The following GMEB1 variants were observed in gnomAD, a reference collection of about 807,000 sequenced individuals.
GMEB1 encodes the protein glucocorticoid modulatory element binding protein 1.
A neutral mutation model predicts 52.4 loss-of-function variants in GMEB1; 6 were observed. The observed-to-expected ratio is 0.11, with a 90% CI of 0.06 to 0.23. The LOEUF (loss-of-function observed/expected upper bound fraction) is 0.23. GMEB1 is among the 10% of genes least tolerant of loss of function. GMEB1 has a pLI of 1.00. For missense variants in GMEB1, 486 were observed against 685.6 expected, an observed-to-expected ratio of 0.71 and a Z score of 3.25; for synonymous variants, 255 against 244.9, an observed-to-expected ratio of 1.04 and a Z score of -0.38.
At chr1:28,704,437 A>G in intron 8 of GMEB1, 108 bp downstream of exon 8, 1 of 813,682 alleles carries the variant, frequency 1.2e-6, no homozygotes, top group Non-Finnish European at 1.8e-6. Flanking sequence ...TATTATCTTA[A>G]TTTTACAGAT....
At chr1:28,710,421 C>A in intron 8 of GMEB1, 99 bp from the exon 9 acceptor site, 1 of 800,556 alleles carries the variant, frequency 1.2e-6, no homozygotes, top group South Asian at 3.5e-5. Context: ...TTAGGAGAGT[C>A]CCATAATTTC....
chr1:28,702,613 C>G, intron 7 of GMEB1, 44 bp downstream of exon 7: 1 of 1,575,396 alleles, frequency 6.3e-7, no homozygotes, highest in South Asian at 1.1e-5. Flanking sequence ...GTCTTGTGAG[C>G]CTTATCACCA....
intron 8 of GMEB1, among the ~76,000 whole-genome samples, chr1:28,707,637 G>A (rs1343336652): frequency 6.6e-6 from 1 of 152,164 alleles, no homozygotes; most frequent in African/African-American, 2.4e-5. Context: ...GCCACTGGGA[G>A]AGGAACAGTT....
At chr1:28,691,830 T>G in intron 4 of GMEB1, 121 bp downstream of exon 4, 1 of 202,180 alleles carries the variant, frequency 4.9e-6, no homozygotes, top group Non-Finnish European at 9.4e-6. Context: ...ATTTATTTAT[T>G]TATTTATTTA....
At chr1:28,695,933 C>G (rs1335834005) in intron 5 of GMEB1, among the ~76,000 whole-genome samples, 53 of 63,590 alleles carry the variant, frequency 8.3e-4, no homozygotes, top group Admixed American at 1.3e-3. Flanking sequence ...AGCGAGACTC[C>G]GTCTCAAAAA....
intron 5 of GMEB1, among the ~76,000 whole-genome samples, chr1:28,693,609 C>CG (rs1670065016): frequency 6.6e-6 from 1 of 151,776 alleles, no homozygotes; most frequent in African/African-American, 2.4e-5. Context: ...CTCGGCCTCC[C>CG]GGGTTCAAGC....
intron 9 of GMEB1, among the ~76,000 whole-genome samples, 175 bp downstream of exon 9, chr1:28,710,817 C>G (rs143549501): frequency 1.3e-5 from 2 of 148,984 alleles, no homozygotes; most frequent in Non-Finnish European, 3.0e-5. Flanking sequence ...ACAAAAGAGG[C>G]ACAAAGGAAA....
intron 2 of GMEB1, among the ~76,000 whole-genome samples, chr1:28,688,453 C>T (rs1402985909): frequency 6.6e-6 from 1 of 152,102 alleles, no homozygotes; most frequent in Non-Finnish European, 1.5e-5. Flanking sequence ...ATAATTAGCA[C>T]ATCAGCTTTA....
intron 5 of GMEB1, among the ~76,000 whole-genome samples, chr1:28,694,961 C>CTTTT (rs556692778): frequency 3.8e-5 from 4 of 105,496 alleles, no homozygotes; most frequent in South Asian, 2.9e-4. Flanking sequence ...CGTGGCCAGC[C>CTTTT]TTTTTTTTTT....
intron 8 of GMEB1, among the ~76,000 whole-genome samples, chr1:28,705,186 C>T (rs4654368): frequency 8.0e-5 from 12 of 149,656 alleles, no homozygotes; most frequent in African/African-American, 2.2e-4. Context: ...GTCAGGAGTT[C>T]GAGACCAGCC....
Position 28,702,449 on chromosome 1 carries a change from C to G in GMEB1, c.610C>G (p.Gln204Glu), listed in dbSNP as rs1383731734. The change falls in exon 7 of 10, where the codon CAG becomes GAG. Residue 204 changes from glutamine (Q) to glutamate (E), a missense_variant. Physicochemically the swap from Gln to Glu is conservative, Grantham distance 29. Transcript: ENST00000373816. ...TGGACTGTTTTTAGGTAGCATCACG[C>G]AGATTGCCATCTCAGAAGAGAGCAT... The part of the protein sequence containing the change: ...TPTSADGSIT[Q>E]IAISEESMEE... The G allele has an allele frequency of 1.2e-6, 2 of 1,613,466 alleles. No individual in the cohort carries two copies. The highest frequency in any genetic ancestry group is 1.7e-6 in the Non-Finnish European group (2 of 1,179,594).
chr1:28,695,657 G>A (rs544119360), intron 5 of GMEB1, among the ~76,000 whole-genome samples: 4 of 149,038 alleles, frequency 2.7e-5, no homozygotes, highest in Non-Finnish European at 5.9e-5. Flanking sequence ...AAATTTTTTC[G>A]GCCGGGCGCG....
Position 28,714,403 on chromosome 1 carries a change from T to G in GMEB1, c.1322T>G (p.Val441Gly). 6.2e-7 allele frequency: 1 copy of G among 1,614,208 alleles called. No homozygotes were observed. Among genetic ancestry groups the G allele is most frequent in the Non-Finnish European group, 8.5e-7 (1 of 1,180,030 alleles). Reference sequence around the variant, plus strand: ...CCTCAGCTCTTCCGCTATGCCACAGTGGTCTCCTCTGCCAAGAGCAGCTCA... The same window carrying G: ...CCTCAGCTCTTCCGCTATGCCACAGGGGTCTCCTCTGCCAAGAGCAGCTCA... ...SGPQLFRYAT[V>G]VSSAKSSSPD... The change falls in exon 10 of 10, where the codon GTG becomes GGG. Residue 441 changes from valine (V) to glycine (G), a missense_variant. Coordinates refer to ENST00000373816, the MANE Select transcript of GMEB1 (RefSeq NM_001319674.2).
chr1:28,692,384 T>G (rs1670008339), intron 4 of GMEB1, among the ~76,000 whole-genome samples: 1 of 151,958 alleles, frequency 6.6e-6, no homozygotes, highest in Admixed American at 6.6e-5. Flanking sequence ...ATACAAAAAT[T>G]AGCTGGACGT....
At chr1:28,708,902 C>A (rs1296061958) in intron 8 of GMEB1, among the ~76,000 whole-genome samples, 1 of 151,956 alleles carries the variant, frequency 6.6e-6, no homozygotes, top group Non-Finnish European at 1.5e-5. Context: ...GAGGCCGAGG[C>A]GGGCAGATCA....
intron 9 of GMEB1, among the ~76,000 whole-genome samples, chr1:28,711,556 G>A (rs1179435853): frequency 6.6e-6 from 1 of 152,040 alleles, no homozygotes; most frequent in East Asian, 1.9e-4. Flanking sequence ...CCCGAGCTCA[G>A]GGTGACCCTC....
At chr1:28,686,308 T>G (rs1014035231) in intron 2 of GMEB1, among the ~76,000 whole-genome samples, 1 of 152,048 alleles carries the variant, frequency 6.6e-6, no homozygotes, top group African/African-American at 2.4e-5. Context: ...GCCACTGCAC[T>G]GTAACCTGAG....
chr1:28,714,104 G>C lies in GMEB1; in HGVS notation c.1023G>C (p.Lys341Asn). ...AACGCCAGTTGGAGGAGCAGAAGAA[G>C]CAAGGCCAGGATCACAGGCTGAAAT... ...DLERQLEEQK[K>N]QGQDHRLKSQ... Residue 341 changes from lysine (K) to asparagine (N), a missense_variant, in exon 10 of 10, where the codon AAG becomes AAC. Transcript: ENST00000373816. The C allele has an allele frequency of 6.2e-7, 1 of 1,612,120 alleles. No individual in the cohort carries two copies. The highest frequency in any genetic ancestry group is 8.5e-7 in the Non-Finnish European group (1 of 1,178,288).
At position 28,674,708 on chromosome 1, in the gene GMEB1, CTTTTTTTTT is replaced by C. The variant is rs34267851; in HGVS notation, c.-31+5889_-31+5897del. 8.3e-3 allele frequency among the ~76,000 whole-genome samples: 410 copies of C among 49,142 alleles called. 3 individuals carry two copies. The highest frequency in any genetic ancestry group is 0.032 in the African/African-American group (383 of 11,988). The allele number at this position is 49,142 out of a possible 152,430, so 32.2% of individuals were successfully genotyped here. A position where few individuals can be genotyped will look rare whatever the true frequency, so the allele number is the denominator to read the frequency against. ...CCGTGCCCGGCCAGAATAGTTAATT[CTTTTTTTTT>C]TTTTTTTTTTTTTTTTTTTGAGACG... On this transcript the variant is annotated intron_variant, in intron 1 of 9. Transcript: ENST00000373816.
Sources: gnomAD v4.1 joint callset for allele counts (sites outside exome capture counted in the v4.1 genomes callset) on GRCh38, gnomAD v4.1.1 for gene constraint, MANE v1.5 for transcripts, NCBI Gene and HGNC (gene_info 2026-07-23, HGNC 2026-07-21) for gene names.